The following DOCK1 variants were observed in gnomAD, a reference collection of about 807,000 sequenced individuals.
DOCK1 encodes dedicator of cytokinesis protein 1.
DOCK1 carries 138 observed loss-of-function variants against 262.7 expected under a neutral mutation model. That is an observed-to-expected ratio of 0.53 (90% CI 0.46 to 0.61). DOCK1 has a LOEUF of 0.61. Among genes scored for constraint, DOCK1 ranks in the 20% least tolerant of loss-of-function variants. The probability of loss-of-function intolerance (pLI) is 0.00; values close to 1 mark genes in which losing one functional copy is unlikely to be tolerated. For synonymous variants in DOCK1, 866 were observed against 867.4 expected (o/e 1.00, Z 0.03); for missense variants, 1,908 against 2,370.7 (o/e 0.80, Z 4.05).
rs35427861 is a variant in DOCK1 at position 127,287,206 on chromosome 10, C to CTT, written c.3044+29788_3044+29789dup. ...ACAGGCATGAGCCACTGCGCCTGGC[C>CTT]TTTTTTTTTTTTGAAGTACATGATC... On this transcript the variant is annotated intron_variant, in intron 29 of 51. Coordinates refer to ENST00000623213, the MANE Select transcript of DOCK1 (RefSeq NM_001290223.2). Among the ~76,000 whole-genome samples, 1,051 of 143,080 alleles carry CTT rather than the reference C, an allele frequency of 7.3e-3. 8 individuals are homozygous for CTT. The highest frequency in any genetic ancestry group is 0.024 in the African/African-American group (952 of 39,160). 93.9% of individuals were successfully genotyped at this position (143,080 alleles called of 152,430 possible). A position where few individuals can be genotyped will look rare whatever the true frequency, so the allele number is the denominator to read the frequency against.
At chr10:127,356,348 C>T (rs1303770213) in intron 32 of DOCK1, among the ~76,000 whole-genome samples, 2 of 152,126 alleles carry the variant, frequency 1.3e-5, no homozygotes, top group Admixed American at 6.5e-5. Flanking sequence ...CTTTCTGGGC[C>T]GTTAGATAAA....
At chr10:127,082,596 G>A (rs559245665) in intron 23 of DOCK1, among the ~76,000 whole-genome samples, 2 of 152,148 alleles carry the variant, frequency 1.3e-5, no homozygotes, top group South Asian at 2.1e-4. Flanking sequence ...ACCTCCCACC[G>A]AGTCCCTCCC....
At chr10:127,072,069 C>T (rs1258796316) in intron 23 of DOCK1, among the ~76,000 whole-genome samples, 5 of 152,188 alleles carry the variant, frequency 3.3e-5, no homozygotes, top group African/African-American at 9.6e-5. Flanking sequence ...AGGTGCTCCT[C>T]CCACATCTGT....
At chr10:127,019,891 C>T (rs1301855943) in intron 13 of DOCK1, among the ~76,000 whole-genome samples, 5 of 152,240 alleles carry the variant, frequency 3.3e-5, no homozygotes, top group African/African-American at 7.2e-5. Flanking sequence ...CCATATTCAA[C>T]GCGGCCTCCT....
chr10:127,066,565 G>A (rs569853499), intron 23 of DOCK1, among the ~76,000 whole-genome samples: 25 of 152,230 alleles, frequency 1.6e-4, no homozygotes, highest in African/African-American at 6.0e-4. Context: ...GGCTCTCCAA[G>A]CCTTTTTCCC....
At chr10:127,017,492 T>A (rs1160609486) in intron 12 of DOCK1, among the ~76,000 whole-genome samples, 1 of 124,558 alleles carries the variant, frequency 8.0e-6, no homozygotes, top group Non-Finnish European at 1.7e-5. Flanking sequence ...CAGACACAGA[T>A]ACACAGAGAC....
intron 38 of DOCK1, among the ~76,000 whole-genome samples, chr10:127,401,518 G>A (rs917798802): frequency 6.6e-5 from 10 of 152,136 alleles, no homozygotes; most frequent in Non-Finnish European, 8.8e-5. Context: ...TACTTCCAGC[G>A]TCGTGCACCC....
At chr10:127,367,827 G>A (rs72841515) in intron 33 of DOCK1, among the ~76,000 whole-genome samples, 9 of 152,268 alleles carry the variant, frequency 5.9e-5, no homozygotes, top group Non-Finnish European at 7.4e-5. Flanking sequence ...GTTTGTGTAC[G>A]GCCAGGAGGC....
intron 1 of DOCK1, among the ~76,000 whole-genome samples, chr10:126,916,372 G>T (rs1194350982): frequency 6.6e-6 from 1 of 152,204 alleles, no homozygotes; most frequent in African/African-American, 2.4e-5. Flanking sequence ...GGACAGTGTG[G>T]CATTGTGAGT....
At chr10:127,288,261 C>G (rs1419205897) in intron 29 of DOCK1, among the ~76,000 whole-genome samples, 1 of 152,124 alleles carries the variant, frequency 6.6e-6, no homozygotes, top group Non-Finnish European at 1.5e-5. Context: ...CTTAAGTAGT[C>G]TTTGATAATG....
intron 18 of DOCK1, among the ~76,000 whole-genome samples, chr10:127,036,473 G>A (rs546437909): frequency 1.3e-5 from 2 of 151,756 alleles, no homozygotes; most frequent in East Asian, 1.9e-4. Flanking sequence ...TTCTTCTTCA[G>A]TATTAACTAG....
intron 1 of DOCK1, among the ~76,000 whole-genome samples, chr10:126,952,268 G>T (rs2036317871): frequency 6.6e-6 from 1 of 152,026 alleles, no homozygotes; most frequent in African/African-American, 2.4e-5. Context: ...TAATAGCATT[G>T]TTATTGTTCA....
intron 13 of DOCK1, among the ~76,000 whole-genome samples, chr10:127,022,418 G>C (rs1027690187): frequency 6.6e-6 from 1 of 152,026 alleles, no homozygotes; most frequent in South Asian, 2.1e-4. Flanking sequence ...CCATGTTGGC[G>C]TGCTGCACCC....
intron 27 of DOCK1, among the ~76,000 whole-genome samples, chr10:127,139,866 T>G (rs1484224873): frequency 6.6e-6 from 1 of 152,154 alleles, no homozygotes; most frequent in Non-Finnish European, 1.5e-5. Flanking sequence ...AATTTAAATA[T>G]TATTGTACCA....
intron 33 of DOCK1, among the ~76,000 whole-genome samples, chr10:127,370,102 A>G (rs2065127776): frequency 6.6e-6 from 1 of 152,124 alleles, no homozygotes; most frequent in Admixed American, 6.5e-5. Context: ...GTGGTTGCGC[A>G]GTTTCATCAG....
intron 28 of DOCK1, among the ~76,000 whole-genome samples, chr10:127,253,930 G>C (rs902972023): frequency 6.8e-6 from 1 of 147,344 alleles, no homozygotes; most frequent in African/African-American, 2.5e-5. Flanking sequence ...TTCATCCGTT[G>C]AAAGCACGTT....
At chr10:127,302,791 G>A (rs925780494) in intron 29 of DOCK1, among the ~76,000 whole-genome samples, 1 of 139,104 alleles carries the variant, frequency 7.2e-6, no homozygotes, top group South Asian at 2.3e-4. Flanking sequence ...TGTGTGTATT[G>A]TCAAAAACCA....
At chr10:126,985,023 CAG>C (rs1464330906) in intron 4 of DOCK1, among the ~76,000 whole-genome samples, 1 of 145,952 alleles carries the variant, frequency 6.9e-6, no homozygotes, top group Non-Finnish European at 1.5e-5. Flanking sequence ...CTCTGTCGCC[CAG>C]GCTGGAGTGC....
At chr10:126,942,086 A>G (rs948568099) in intron 1 of DOCK1, among the ~76,000 whole-genome samples, 78 of 151,672 alleles carry the variant, frequency 5.1e-4, no homozygotes, top group South Asian at 1.0e-3. Context: ...GTGCAGTGGC[A>G]CGATCTCGGC....
Sources: gnomAD v4.1 joint callset for allele counts (sites outside exome capture counted in the v4.1 genomes callset) on GRCh38, gnomAD v4.1.1 for gene constraint, MANE v1.5 for transcripts, NCBI Gene and HGNC (gene_info 2026-07-23, HGNC 2026-07-21) for gene names.